Variants in SAMD3 observed in about 807,000 individuals in gnomAD.
SAMD3 encodes the protein sterile alpha motif domain containing 3.
Under a neutral mutation model 58.5 loss-of-function variants are expected in SAMD3, and 63 were observed. The ratio of observed to expected loss-of-function variants is 1.08; its 90% CI spans 0.88 to 1.33. The LOEUF (loss-of-function observed/expected upper bound fraction) is 1.33, where lower values mean the gene tolerates loss of function less well. SAMD3 is among the 40% of genes most tolerant of loss of function. SAMD3 has a pLI of 0.00. For missense variants in SAMD3, 604 were observed against 608.4 expected, an observed-to-expected ratio of 0.99 and a Z score of 0.08; for synonymous variants, 220 against 210.3, an observed-to-expected ratio of 1.05 and a Z score of -0.40.
At chr6:130,360,930 G>T (rs182719626) in intron 1 of SAMD3, among the ~76,000 whole-genome samples, 1 of 152,242 alleles carries the variant, frequency 6.6e-6, no homozygotes, top group Non-Finnish European at 1.5e-5. Flanking sequence ...ATATGGCTCT[G>T]TCCCGCCCGG....
intron 2 of SAMD3, among the ~76,000 whole-genome samples, chr6:130,293,543 T>TGACA (rs1458518480): frequency 6.6e-6 from 1 of 151,676 alleles, no homozygotes; most frequent in East Asian, 1.9e-4. Flanking sequence ...TTGTGATAGG[T>TGACA]GACAATATCC....
At chr6:130,196,471 T>C (rs1243626048) in intron 5 of SAMD3, among the ~76,000 whole-genome samples, 2 of 152,150 alleles carry the variant, frequency 1.3e-5, no homozygotes, top group African/African-American at 4.8e-5. Flanking sequence ...CCACATTTCC[T>C]TCTTCCCTGT....
chr6:130,312,488 C>G (rs1015232789), intron 2 of SAMD3, among the ~76,000 whole-genome samples: 2 of 152,118 alleles, frequency 1.3e-5, no homozygotes, highest in Non-Finnish European at 2.9e-5. Flanking sequence ...TCATTTTAAC[C>G]ATCTATGGGT....
chr6:130,363,050 C>T (rs1778032101), intron 1 of SAMD3, among the ~76,000 whole-genome samples: 2 of 152,022 alleles, frequency 1.3e-5, no homozygotes, highest in Non-Finnish European at 2.9e-5. Flanking sequence ...TCTTTATTGA[C>T]TTTACCCTCT....
intron 8 of SAMD3, among the ~76,000 whole-genome samples, chr6:130,166,828 T>C (rs1790775545): frequency 6.6e-6 from 1 of 152,242 alleles, no homozygotes; most frequent in Non-Finnish European, 1.5e-5. Context: ...AATGAAATTA[T>C]GCTTTATACC....
At chr6:130,356,817 CTGT>C (rs1777844086) in intron 1 of SAMD3, among the ~76,000 whole-genome samples, 1 of 152,158 alleles carries the variant, frequency 6.6e-6, no homozygotes, top group African/African-American at 2.4e-5. Context: ...AGTCACTTAC[CTGT>C]TGGGACTACA....
At chr6:130,239,079 G>A (rs889258471) in intron 2 of SAMD3, among the ~76,000 whole-genome samples, 1 of 152,144 alleles carries the variant, frequency 6.6e-6, no homozygotes, top group African/African-American at 2.4e-5. Flanking sequence ...ATTTTAAGAA[G>A]AGGAGCAGAA....
chr6:130,318,422 A>G (rs1421137195), intron 1 of SAMD3, among the ~76,000 whole-genome samples: 1 of 152,016 alleles, frequency 6.6e-6, no homozygotes, highest in South Asian at 2.1e-4. Flanking sequence ...CTAATAAAAA[A>G]ATTTTTTTTT....
At chr6:130,150,483 G>A (rs1399555564) in intron 9 of SAMD3, among the ~76,000 whole-genome samples, 2 of 152,138 alleles carry the variant, frequency 1.3e-5, no homozygotes, top group African/African-American at 4.8e-5. Flanking sequence ...TTCCTTTAAA[G>A]GGTGTTAAAT....
At chr6:130,233,618 AG>A (rs1796605848) in intron 2 of SAMD3, among the ~76,000 whole-genome samples, 1 of 152,198 alleles carries the variant, frequency 6.6e-6, no homozygotes, top group South Asian at 2.1e-4. Context: ...TTAAAAAGCA[AG>A]ACAGGCTGAA....
intron 1 of SAMD3, among the ~76,000 whole-genome samples, chr6:130,347,617 T>G (rs1449795641): frequency 1.3e-5 from 2 of 152,070 alleles, no homozygotes; most frequent in East Asian, 1.9e-4. Context: ...TACCTGAAAG[T>G]GACGGGGAGA....
intron 9 of SAMD3, among the ~76,000 whole-genome samples, chr6:130,154,148 G>T (rs144494681): frequency 6.6e-6 from 1 of 151,856 alleles, no homozygotes; most frequent in Non-Finnish European, 1.5e-5. Context: ...GTGATGATCC[G>T]CCACCCTCCA....
At chr6:130,181,033 G>A (rs1025885575) in intron 7 of SAMD3, among the ~76,000 whole-genome samples, 7 of 142,130 alleles carry the variant, frequency 4.9e-5, no homozygotes, top group South Asian at 2.2e-4. Context: ...CTGCAACCTC[G>A]GCCTCCCGGT....
intron 9 of SAMD3, among the ~76,000 whole-genome samples, chr6:130,152,695 TAAATA>T (rs1562370142): frequency 6.8e-6 from 1 of 148,002 alleles, no homozygotes; most frequent in East Asian, 1.9e-4. Context: ...AATAAATAAA[TAAATA>T]AAACAATCAA....
intron 7 of SAMD3, among the ~76,000 whole-genome samples, chr6:130,177,672 T>C (rs573018632): frequency 2.6e-5 from 4 of 152,232 alleles, no homozygotes; most frequent in Non-Finnish European, 4.4e-5. Flanking sequence ...ATCTATGTGA[T>C]ACTTTGTCTG....
chr6:130,168,287 T>C (rs1228801474), intron 8 of SAMD3, among the ~76,000 whole-genome samples: 2 of 151,944 alleles, frequency 1.3e-5, no homozygotes, highest in African/African-American at 4.8e-5. Flanking sequence ...TACAAAAAAT[T>C]AGCAGGGCAT....
intron 8 of SAMD3, among the ~76,000 whole-genome samples, chr6:130,166,266 AG>A (rs1304758373): frequency 2.0e-5 from 3 of 152,184 alleles, no homozygotes; most frequent in African/African-American, 7.2e-5. Flanking sequence ...TTCTCCACTG[AG>A]GGACTTCCCT....
At chr6:130,222,161 A>C (rs796789860) in intron 1 of SAMD3, among the ~76,000 whole-genome samples, 27 of 152,330 alleles carry the variant, frequency 1.8e-4, no homozygotes, top group African/African-American at 6.0e-4. Flanking sequence ...TCCAACTTTA[A>C]AGGGTACTAA....
chr6:130,275,020 A>G (rs1263448432), intron 2 of SAMD3, among the ~76,000 whole-genome samples: 1 of 152,136 alleles, frequency 6.6e-6, no homozygotes, highest in African/African-American at 2.4e-5. Context: ...ATCTTACATG[A>G]AATGTAGAAT....
Sources: gnomAD v4.1 joint callset for allele counts (sites outside exome capture counted in the v4.1 genomes callset) on GRCh38, gnomAD v4.1.1 for gene constraint, MANE v1.5 for transcripts, NCBI Gene and HGNC (gene_info 2026-07-23, HGNC 2026-07-21) for gene names.